Variants in SPECC1 observed in about 807,000 individuals in gnomAD.
SPECC1 encodes the protein cytospin-B.
SPECC1 carries 62 observed loss-of-function variants against 104.1 expected under a neutral mutation model. The ratio of observed to expected loss-of-function variants is 0.60; its 90% CI spans 0.49 to 0.74. The LOEUF is 0.74. SPECC1 is among the 30% of genes least tolerant of loss of function. SPECC1 has a pLI of 0.00. For missense variants in SPECC1, 1,306 were observed against 1,310.5 expected (o/e 1.00, Z 0.05); for synonymous variants, 513 against 501.6 (o/e 1.02, Z -0.30).
At chr17:20,159,284 A>G (rs949069650) in intron 3 of SPECC1, among the ~76,000 whole-genome samples, 2 of 152,050 alleles carry the variant, frequency 1.3e-5, no homozygotes, top group Non-Finnish European at 2.9e-5. Flanking sequence ...GCTGGTCCCA[A>G]ACTCCTGGGC....
chr17:20,138,437 G>A (rs544243357), intron 3 of SPECC1, among the ~76,000 whole-genome samples: 2 of 152,162 alleles, frequency 1.3e-5, no homozygotes, highest in African/African-American at 2.4e-5. Context: ...CTGTGGGTTT[G>A]AATGAATGTA....
At chr17:20,043,282 A>G (rs917561324) in intron 1 of SPECC1, among the ~76,000 whole-genome samples, 1 of 152,196 alleles carries the variant, frequency 6.6e-6, no homozygotes, top group Non-Finnish European at 1.5e-5. Context: ...TCCTTCCTGT[A>G]TCTAATAAAT....
chr17:20,186,828 A>G (rs1052709166), intron 3 of SPECC1, among the ~76,000 whole-genome samples: 4 of 152,080 alleles, frequency 2.6e-5, no homozygotes, highest in African/African-American at 4.8e-5. Flanking sequence ...TGGCTTCCCA[A>G]AGTGCTGGGA....
At chr17:20,078,947 A>T (rs1442663575) in intron 1 of SPECC1, among the ~76,000 whole-genome samples, 1 of 152,216 alleles carries the variant, frequency 6.6e-6, no homozygotes, top group Non-Finnish European at 1.5e-5. Context: ...TAAAGTAAAT[A>T]AACAGGCATT....
chr17:20,063,888 A>G (rs1337727586), intron 1 of SPECC1, among the ~76,000 whole-genome samples: 1 of 152,208 alleles, frequency 6.6e-6, no homozygotes, highest in Non-Finnish European at 1.5e-5. Context: ...ACGCTTTGAG[A>G]GGTTTGAAAA....
At chr17:20,134,840 T>C (rs1432072854) in intron 3 of SPECC1, among the ~76,000 whole-genome samples, 2 of 152,170 alleles carry the variant, frequency 1.3e-5, no homozygotes, top group African/African-American at 2.4e-5. Flanking sequence ...TACTCCCTTA[T>C]GGAAGAGGAG....
chr17:20,069,840 T>C (rs2046484057), intron 1 of SPECC1, among the ~76,000 whole-genome samples: 1 of 152,040 alleles, frequency 6.6e-6, no homozygotes, highest in Non-Finnish European at 1.5e-5. Flanking sequence ...ATAAATATTT[T>C]ATAGTTAAAC....
chr17:20,035,431 G>T (rs1205094534), intron 1 of SPECC1, among the ~76,000 whole-genome samples: 6 of 152,062 alleles, frequency 3.9e-5, no homozygotes, highest in Non-Finnish European at 8.8e-5. Flanking sequence ...TATATTTCAC[G>T]CTATTTAAGT....
chr17:20,099,983 C>G (rs890246391), intron 2 of SPECC1, among the ~76,000 whole-genome samples: 38 of 152,268 alleles, frequency 2.5e-4, no homozygotes, highest in African/African-American at 9.1e-4. Context: ...ACACATCCTC[C>G]CATATACTTT....
At chr17:20,268,377 C>T (rs1478907493) in intron 12 of SPECC1, among the ~76,000 whole-genome samples, 2 of 152,354 alleles carry the variant, frequency 1.3e-5, no homozygotes, top group African/African-American at 4.8e-5. Flanking sequence ...CAGGCAACTT[C>T]TGTTGTTCTG....
chr17:20,213,851 C>T (rs1373536921), intron 4 of SPECC1, among the ~76,000 whole-genome samples: 2 of 149,356 alleles, frequency 1.3e-5, no homozygotes, highest in South Asian at 2.2e-4. Context: ...GGATTTTATC[C>T]TCAAGACAGT....
intron 1 of SPECC1, among the ~76,000 whole-genome samples, chr17:20,060,877 C>T (rs2046160794): frequency 6.6e-6 from 1 of 152,122 alleles, no homozygotes; most frequent in Non-Finnish European, 1.5e-5. Context: ...TACATAAACA[C>T]CAGTGCATAC....
At position 20,080,601 on chromosome 17, in the gene SPECC1, G is replaced by A. The variant is rs917549377; in HGVS notation, c.-21-16030G>A. Reference sequence around the variant, plus strand: ...GGGAAGGCAGTCTCGGGGAGGTTTCGCAGTGGGTAAAGAATGAGACTCTCG... The same window carrying A: ...GGGAAGGCAGTCTCGGGGAGGTTTCACAGTGGGTAAAGAATGAGACTCTCG... On this transcript the variant is annotated intron_variant, in intron 1 of 14. Coordinates refer to ENST00000395527, the MANE Select transcript of SPECC1 (RefSeq NM_001243439.2). Among the ~76,000 whole-genome samples the A allele has an allele frequency of 7.9e-5, 12 of 152,006 alleles. 1 individual carries two copies. The highest frequency in any genetic ancestry group is 3.9e-4 in the Admixed American group (6 of 15,262).
In SPECC1 at chr17:20,024,160, C is replaced by T. The variant is rs528842579; in HGVS notation, c.-22+14736C>T. Among the ~76,000 whole-genome samples, 27 of 152,226 alleles carry T rather than the reference C, an allele frequency of 1.8e-4. 1 individual carries two copies. Among genetic ancestry groups the T allele is most frequent in the South Asian group, 1.0e-3 (5 of 4,828 alleles). ...TAATAAAATGGGGTAGCTATATAAT[C>T]GTCTTGAGAGATTCTGGAAAAGCAC... On this transcript the variant is annotated intron_variant, in intron 1 of 14. Transcript: ENST00000395527.
chr17:20,256,091 A>G (rs539298467), intron 10 of SPECC1, among the ~76,000 whole-genome samples: 13 of 151,516 alleles, frequency 8.6e-5, no homozygotes, highest in Non-Finnish European at 1.6e-4. Flanking sequence ...GTTAGCCAGG[A>G]TGGTCTCGAT....
At chr17:20,018,329 T>C (rs567259504) in intron 1 of SPECC1, among the ~76,000 whole-genome samples, 89 of 152,364 alleles carry the variant, frequency 5.8e-4, no homozygotes, top group Non-Finnish European at 1.2e-3. Flanking sequence ...TTTGATTTAG[T>C]GTTTTAAAAA....
intron 1 of SPECC1, among the ~76,000 whole-genome samples, chr17:20,028,268 AT>A (rs34323625): frequency 2.7e-5 from 4 of 145,858 alleles, no homozygotes; most frequent in Admixed American, 6.8e-5. Context: ...GTCCAACTTC[AT>A]TTTTTTTTTC....
At chr17:20,098,912 G>GCTAC (rs1390401483) in intron 2 of SPECC1, among the ~76,000 whole-genome samples, 2 of 152,212 alleles carry the variant, frequency 1.3e-5, no homozygotes, top group Non-Finnish European at 2.9e-5. Context: ...AAGAGCACCT[G>GCTAC]CTACCTGGTA....
intron 7 of SPECC1, among the ~76,000 whole-genome samples, chr17:20,236,486 C>T (rs2151498188): frequency 6.6e-6 from 1 of 152,192 alleles, no homozygotes; most frequent in Middle Eastern, 3.4e-3. Context: ...TTTTAGGTTG[C>T]AGTTATAAAA....
Sources: allele counts gnomAD v4.1 joint callset (sites outside exome capture counted in the v4.1 genomes callset), GRCh38; gene constraint gnomAD v4.1.1; transcripts MANE v1.5; gene names NCBI Gene and HGNC (gene_info 2026-07-23, HGNC 2026-07-21).